GOLGA4: variants seen among roughly 807,000 people sequenced by gnomAD.
GOLGA4 encodes the protein golgin A4.
Under a neutral mutation model 265.9 loss-of-function variants are expected in GOLGA4, and 169 were observed. The observed-to-expected ratio is 0.64, with a 90% confidence interval of 0.56 to 0.72. The LOEUF (loss-of-function observed/expected upper bound fraction) is 0.72, where lower values mean the gene tolerates loss of function less well. GOLGA4 is among the 30% of genes least tolerant of loss of function. The pLI, the probability that GOLGA4 is intolerant of heterozygous loss-of-function variation, is 0.00. For missense variants in GOLGA4, 2,482 were observed against 2,483.4 expected (o/e 1.00, Z 0.01); for synonymous variants, 923 against 855.8 (o/e 1.08, Z -1.37).
chr3:37,357,544 C>T (rs866037428), intron 22 of GOLGA4, among the ~76,000 whole-genome samples: 11 of 152,174 alleles, frequency 7.2e-5, no homozygotes, highest in South Asian at 2.1e-4. Context: ...CCCCAAAATA[C>T]GATATGAGAT....
intron 21 of GOLGA4, among the ~76,000 whole-genome samples, chr3:37,349,659 A>G (rs983010985): frequency 2.6e-5 from 4 of 152,160 alleles, no homozygotes; most frequent in African/African-American, 9.7e-5. Flanking sequence ...TTACAAGATC[A>G]GAGCTGTTTT....
intron 2 of GOLGA4, among the ~76,000 whole-genome samples, chr3:37,280,605 A>G (rs1231505696): frequency 6.6e-6 from 1 of 152,208 alleles, no homozygotes; most frequent in Non-Finnish European, 1.5e-5. Context: ...TTCACAATAT[A>G]CATATTGTTT....
intron 10 of GOLGA4, among the ~76,000 whole-genome samples, chr3:37,308,806 G>T (rs1031700496): frequency 2.0e-5 from 3 of 151,676 alleles, no homozygotes; most frequent in African/African-American, 7.3e-5. Context: ...TAGTAGAGAC[G>T]GAGTTTCACC....
intron 20 of GOLGA4, among the ~76,000 whole-genome samples, chr3:37,340,993 C>G (rs1249528731): frequency 6.6e-6 from 1 of 151,970 alleles, no homozygotes; most frequent in Non-Finnish European, 1.5e-5. Flanking sequence ...TGGTGAAACC[C>G]CATCTCTACT....
At chr3:37,254,804 A>G (rs1408975921) in intron 2 of GOLGA4, among the ~76,000 whole-genome samples, 2 of 148,928 alleles carry the variant, frequency 1.3e-5, no homozygotes, top group Non-Finnish European at 3.0e-5. Context: ...GCCGGGCCGT[A>G]TTTTTACAAT....
chr3:37,283,539 G>A (rs1375874413), intron 3 of GOLGA4, among the ~76,000 whole-genome samples: 1 of 152,066 alleles, frequency 6.6e-6, no homozygotes, highest in Non-Finnish European at 1.5e-5. Context: ...TTGTTTTTGA[G>A]ACAGGGTCTC....
At chr3:37,292,530 AC>A (rs1369142664) in intron 5 of GOLGA4, among the ~76,000 whole-genome samples, 1 of 152,174 alleles carries the variant, frequency 6.6e-6, no homozygotes, top group Non-Finnish European at 1.5e-5. Flanking sequence ...TAGTAAAAAT[AC>A]AAAAATTAGC....
Position 37,366,717 on chromosome 3 carries a change from G to A in GOLGA4, c.*671G>A, listed in dbSNP as rs1696770917. The A allele has an allele frequency of 6.6e-6, 1 of 152,590 alleles. No individual in the cohort carries two copies. The highest frequency in any genetic ancestry group is 2.4e-5 in the African/African-American group (1 of 41,438). 9.5% of individuals were successfully genotyped at this position (152,590 alleles called of 1,614,324 possible). On this transcript the variant is annotated 3_prime_UTR_variant, in exon 24 of 24. Coordinates refer to ENST00000361924, the MANE Select transcript of GOLGA4 (RefSeq NM_002078.5). ...TGATTGTTGGCAGTGTCATCTCTGA[G>A]AAACAGATAAATAAAGTTTATTTAC... is the stretch of plus-strand genomic sequence containing the variant.
intron 2 of GOLGA4, chr3:37,273,655 C>G: frequency 1.1e-6 from 1 of 908,848 alleles, no homozygotes; most frequent in Non-Finnish European, 1.7e-6. Flanking sequence ...GAGTGTTGGT[C>G]AGTCTGTGTT....
At chr3:37,249,241 G>A (rs540135881) in intron 1 of GOLGA4, among the ~76,000 whole-genome samples, 8 of 152,262 alleles carry the variant, frequency 5.3e-5, no homozygotes, top group Non-Finnish European at 7.4e-5. Flanking sequence ...TAATTTGAAC[G>A]TGGTGTTCAA....
chr3:37,301,753 A>C (rs2096893275), intron 9 of GOLGA4, among the ~76,000 whole-genome samples: 1 of 152,078 alleles, frequency 6.6e-6, no homozygotes, highest in South Asian at 2.1e-4. Context: ...CTTAGCAAGA[A>C]ATATCATTTT....
At chr3:37,309,942 A>T (rs1369938316) in intron 10 of GOLGA4, among the ~76,000 whole-genome samples, 1 of 152,242 alleles carries the variant, frequency 6.6e-6, no homozygotes, top group African/African-American at 2.4e-5. Context: ...AAGAGGCTTG[A>T]TGATTCAGTG....
intron 5 of GOLGA4, 126 bp from the exon 6 acceptor site, chr3:37,294,851 TTC>T (rs758033435): frequency 2.0e-5 from 12 of 586,762 alleles, no homozygotes; most frequent in Non-Finnish European, 3.1e-5. Context: ...ATACTAATTA[TTC>T]TCTAATTATT....
At chr3:37,297,810 T>C (rs933028702) in intron 7 of GOLGA4, among the ~76,000 whole-genome samples, 1 of 152,150 alleles carries the variant, frequency 6.6e-6, no homozygotes, top group African/African-American at 2.4e-5. Flanking sequence ...GCGGATTGCC[T>C]GAGGTCAGGA....
chr3:37,296,150 C>A lies in GOLGA4; in HGVS notation c.745C>A (p.Pro249Thr). 1 of 1,613,714 alleles carries A rather than the reference C, an allele frequency of 6.2e-7. No individual in the cohort carries two copies. The change falls in exon 7 of 24, where the codon CCT (proline) becomes ACT (threonine). Residue 249 changes from proline to threonine, a missense_variant. Around this residue, in one of 3 missense-constraint regions of GOLGA4, gnomAD observed 1,536 missense variants for 1,483.7 expected, o/e 1.04. Coordinates refer to ENST00000361924, the MANE Select transcript of GOLGA4 (RefSeq NM_002078.5). ...PMNVDVLKPLPQLEPQAEVFT... is the reference protein window; with the variant it reads ...PMNVDVLKPLTQLEPQAEVFT... ...GAATGTTGATGTACTGAAACCACTT[C>A]CTCAGCTGGAACCACAGGCTGAAGT... is the stretch of plus-strand genomic sequence containing the variant.
chr3:37,285,225 T>G (rs2096845351), intron 3 of GOLGA4, among the ~76,000 whole-genome samples: 1 of 150,732 alleles, frequency 6.6e-6, no homozygotes, highest in East Asian at 1.9e-4. Context: ...GGTCTCGAAC[T>G]CTTGGGCTCA....
intron 20 of GOLGA4, among the ~76,000 whole-genome samples, chr3:37,344,133 A>G (rs2097048235): frequency 6.6e-6 from 1 of 152,092 alleles, no homozygotes; most frequent in Non-Finnish European, 1.5e-5. Flanking sequence ...TCAGTGTCTC[A>G]CTCTGTCATT....
At position 37,324,378 on chromosome 3, in the gene GOLGA4, T is replaced by C. The variant is rs2096963767; in HGVS notation, c.2492T>C (p.Leu831Ser). ...CAATTGCAGCAGAAGTTGTTGGATT[T>C]GGAAACAGAAAGAATTCTTCTTACC... ...LAQLQQKLLD[L>S]ETERILLTKQ... The change falls in exon 14 of 24, where the codon TTG (leucine) becomes TCG (serine). Residue 831 changes from leucine (L) to serine (S), a missense_variant. By Grantham distance (145) the Leu-to-Ser change is moderately radical. Coordinates refer to ENST00000361924, the MANE Select transcript of GOLGA4 (RefSeq NM_002078.5). 5 of 1,614,216 alleles carry C rather than the reference T, an allele frequency of 3.1e-6. 1 individual carries two copies. The highest frequency in any genetic ancestry group is 4.2e-6 in the Non-Finnish European group (5 of 1,180,026).
chr3:37,326,525 G>T lies in GOLGA4; in HGVS notation c.4639G>T (p.Val1547Phe), dbSNP rs770691245. ...KTIEIESLNE[V>F]LKNYNQQKDI... The stretch of plus-strand genomic sequence containing the variant: ...TATTGAAATAGAGTCCTTAAATGAA[G>T]TTCTTAAAAATTACAATCAACAAAA... The change falls in exon 14 of 24, where the codon GTT (valine) becomes TTT (phenylalanine). Residue 1547 changes from valine to phenylalanine, a missense_variant. Val to Phe is a conservative substitution (Grantham distance 50). Coordinates refer to ENST00000361924, the MANE Select transcript of GOLGA4 (RefSeq NM_002078.5). 2 of 1,606,796 alleles carry T rather than the reference G, an allele frequency of 1.2e-6. No homozygotes were observed. Among genetic ancestry groups the T allele is most frequent in the African/African-American group, 2.7e-5 (2 of 74,462 alleles).
Sources: allele counts gnomAD v4.1 joint callset (sites outside exome capture counted in the v4.1 genomes callset), GRCh38; gene constraint gnomAD v4.1.1; regional missense constraint gnomAD v4.1.1; transcripts MANE v1.5; gene names NCBI Gene and HGNC (gene_info 2026-07-23, HGNC 2026-07-21).